SOX5: variants seen among roughly 807,000 people sequenced by gnomAD.
SOX5 encodes the protein SRY-box transcription factor 5, also known as transcription factor SOX-5.
Under a neutral mutation model 92.0 loss-of-function variants are expected in SOX5, and 9 were observed. That is an observed-to-expected ratio of 0.10 (90% CI 0.06 to 0.17). The LOEUF (loss-of-function observed/expected upper bound fraction) is 0.17, where lower values mean the gene tolerates loss of function less well. Among genes scored for constraint, SOX5 ranks in the 10% least tolerant of loss-of-function variants. SOX5 has a pLI of 1.00. For synonymous variants in SOX5, 344 were observed against 336.3 expected, an observed-to-expected ratio of 1.02 and a Z score of -0.25; for missense variants, 642 against 944.5, an observed-to-expected ratio of 0.68 and a Z score of 4.20.
chr12:24,432,815 AC>A (rs1179249981), intron 1 of SOX5, among the ~76,000 whole-genome samples: 2 of 152,194 alleles, frequency 1.3e-5, no homozygotes, highest in African/African-American at 4.8e-5. Flanking sequence ...TCTAAAAAAA[AC>A]ATCCAGGATA....
intron 2 of SOX5, among the ~76,000 whole-genome samples, chr12:23,851,010 C>A (rs561262004): frequency 1.3e-5 from 2 of 151,760 alleles, no homozygotes; most frequent in South Asian, 4.2e-4. Flanking sequence ...TAAATATATA[C>A]CTTCATAGAA....
At chr12:23,693,514 CACTT>C (rs1321263490) in intron 6 of SOX5, among the ~76,000 whole-genome samples, 3 of 152,114 alleles carry the variant, frequency 2.0e-5, no homozygotes, top group African/African-American at 7.2e-5. Flanking sequence ...TGTTTCTACC[CACTT>C]ACTTTGTGTT....
At chr12:23,985,842 T>C (rs1950014015) in intron 4 of SOX5, among the ~76,000 whole-genome samples, 1 of 152,166 alleles carries the variant, frequency 6.6e-6, no homozygotes, top group South Asian at 2.1e-4. Flanking sequence ...TGTATTCTTT[T>C]CTGGAAGTTC....
At chr12:23,975,473 G>A (rs933766272) in intron 4 of SOX5, among the ~76,000 whole-genome samples, 8 of 151,916 alleles carry the variant, frequency 5.3e-5, no homozygotes, top group Non-Finnish European at 7.4e-5. Context: ...TCTGAACTAC[G>A]GTTTGTTTTA....
intron 7 of SOX5, among the ~76,000 whole-genome samples, chr12:23,642,125 G>T (rs183060729): frequency 4.3e-4 from 66 of 152,176 alleles, no homozygotes; most frequent in Non-Finnish European, 8.5e-4. Context: ...GTAATTTGTT[G>T]TGATTTGTTA....
In SOX5 at chr12:24,509,704, C is replaced by G. The variant is rs75382895; in HGVS notation, c.-251+52625G>C. On this transcript the variant is annotated intron_variant, in intron 1 of 4. Coordinates refer to the SOX5 transcript ENST00000446891. Reference sequence around the variant, plus strand: ...AATGCCCCGGCCTCTCATTAGCAAGCTATAAAAAGGCCTTCACTTGTATTT... The same window carrying G: ...AATGCCCCGGCCTCTCATTAGCAAGGTATAAAAAGGCCTTCACTTGTATTT... Among the ~76,000 whole-genome samples the G allele has an allele frequency of 2.5e-3, 378 of 152,300 alleles. 3 individuals are homozygous for G. The highest frequency in any genetic ancestry group is 8.4e-3 in the African/African-American group (351 of 41,572).
chr12:23,979,527 A>G (rs368094907), intron 4 of SOX5, among the ~76,000 whole-genome samples: 29 of 151,656 alleles, frequency 1.9e-4, no homozygotes, highest in African/African-American at 6.8e-4. Flanking sequence ...CCTGGCCCCA[A>G]TACTTGTAAT....
At chr12:23,864,098 C>T (rs2096786140) in intron 2 of SOX5, among the ~76,000 whole-genome samples, 1 of 151,920 alleles carries the variant, frequency 6.6e-6, no homozygotes, top group Non-Finnish European at 1.5e-5. Context: ...GCAATATTCC[C>T]TATTTTTTCA....
chr12:23,927,257 C>A (rs1328836435), intron 1 of SOX5, among the ~76,000 whole-genome samples: 1 of 152,008 alleles, frequency 6.6e-6, no homozygotes. Context: ...TCTCTGGTAA[C>A]TTCTACTTAC....
chr12:23,975,877 G>T (rs1948832971), intron 4 of SOX5, among the ~76,000 whole-genome samples: 1 of 152,062 alleles, frequency 6.6e-6, no homozygotes, highest in Admixed American at 6.5e-5. Flanking sequence ...ACTTAACCTG[G>T]CAGATTATCC....
chr12:23,691,662 G>A (rs1466284361), intron 6 of SOX5, among the ~76,000 whole-genome samples: 1 of 151,864 alleles, frequency 6.6e-6, no homozygotes, highest in Non-Finnish European at 1.5e-5. Context: ...GTAGCAAAAG[G>A]TATTTTCAGT....
chr12:24,181,136 T>C (rs932652708), intron 4 of SOX5, among the ~76,000 whole-genome samples: 1 of 152,230 alleles, frequency 6.6e-6, no homozygotes, highest in African/African-American at 2.4e-5. Context: ...TACTGAGGAA[T>C]GGTATACTGG....
At chr12:23,667,052 G>C (rs545771114) in intron 6 of SOX5, among the ~76,000 whole-genome samples, 2 of 152,142 alleles carry the variant, frequency 1.3e-5, no homozygotes, top group South Asian at 4.1e-4. Flanking sequence ...GTGAGTGTGG[G>C]GGGCAGCGAG....
At chr12:23,779,810 T>TACACACACACAC (rs1333274564) in intron 3 of SOX5, among the ~76,000 whole-genome samples, 1 of 98,654 alleles carries the variant, frequency 1.0e-5, no homozygotes, top group African/African-American at 4.4e-5. Context: ...TATATATATA[T>TACACACACACAC]ATATACACAC....
At chr12:24,438,571 G>T (rs1452556264) in intron 1 of SOX5, among the ~76,000 whole-genome samples, 2 of 152,166 alleles carry the variant, frequency 1.3e-5, no homozygotes, top group Non-Finnish European at 2.9e-5. Flanking sequence ...AGCATTTGTG[G>T]TTCATGAGAG....
chr12:24,245,274 T>TGTGTGTGTGTGC, intron 3 of SOX5, among the ~76,000 whole-genome samples: 1 of 147,660 alleles, frequency 6.8e-6, no homozygotes, highest in African/African-American at 2.5e-5. Flanking sequence ...TGTGTGTGTG[T>TGTGTGTGTGTGC]GCCTTCTACT....
chr12:23,545,877 A>G (rs1943037574), intron 12 of SOX5, among the ~76,000 whole-genome samples: 1 of 151,762 alleles, frequency 6.6e-6, no homozygotes, highest in South Asian at 2.1e-4. Flanking sequence ...CTCATCTCAA[A>G]AAAAAAAAAC....
chr12:23,661,989 T>C (rs2083116965), intron 7 of SOX5, among the ~76,000 whole-genome samples: 1 of 152,182 alleles, frequency 6.6e-6, no homozygotes, highest in Admixed American at 6.5e-5. Context: ...ACAGTTTTAA[T>C]AGAACTGAGA....
At chr12:24,236,902 C>T (rs1292418292) in intron 3 of SOX5, among the ~76,000 whole-genome samples, 1 of 142,002 alleles carries the variant, frequency 7.0e-6, no homozygotes, top group Non-Finnish European at 1.6e-5. Context: ...GGTCAGTATC[C>T]ACAACTCAAA....
Sources: allele counts gnomAD v4.1 joint callset (sites outside exome capture counted in the v4.1 genomes callset), GRCh38; gene constraint gnomAD v4.1.1; transcripts MANE v1.5; gene names NCBI Gene and HGNC (gene_info 2026-07-23, HGNC 2026-07-21).